Variants in LPIN1 observed in about 807,000 individuals in gnomAD.
LPIN1 encodes the protein lipin 1, also known as phosphatidate phosphatase LPIN1.
In LPIN1, 71 loss-of-function variants were observed where a neutral mutation model predicts 107.5. The observed-to-expected ratio is 0.66, with a 90% CI of 0.55 to 0.80. LPIN1 has a LOEUF of 0.80. Ranked by LOEUF, LPIN1 falls within the 30% of genes least tolerant of loss-of-function variation. The pLI, the probability that LPIN1 is intolerant of heterozygous loss-of-function variation, is 0.00. For missense variants in LPIN1, 1,043 were observed against 1,160.6 expected, an observed-to-expected ratio of 0.90 and a Z score of 1.47; for synonymous variants, 445 against 452.6, an observed-to-expected ratio of 0.98 and a Z score of 0.21.
rs141242630 is a variant in LPIN1 at position 11,740,722 on chromosome 2, A to AAAAGAAAGAAAG, written c.-71-611_-71-600dup. On this transcript the variant is annotated intron_variant, in intron 1 of 21. Coordinates refer to the LPIN1 transcript ENST00000396097. ...AAAAAAAGGAAGAAAGAAAGAAAAGAAAAGAAAGAAAGAAAGAAAGAAAGA... is the reference window on the plus strand; with the variant it reads ...AAAAAAAGGAAGAAAGAAAGAAAAGAAAAGAAAGAAAGAAAGAAAGAAAGAAAGAAAGAAAGA... Among the ~76,000 whole-genome samples, 284 of 148,504 alleles carry AAAAGAAAGAAAG rather than the reference A, an allele frequency of 1.9e-3. 1 individual carries two copies. The highest frequency in any genetic ancestry group is 6.9e-3 in the African/African-American group (273 of 39,396).
chr2:11,713,509 G>T (rs1245996481), intron 1 of LPIN1, among the ~76,000 whole-genome samples: 1 of 152,200 alleles, frequency 6.6e-6, no homozygotes, highest in African/African-American at 2.4e-5. Flanking sequence ...GACCTCAGGT[G>T]ATCTGCCTGC....
At chr2:11,677,646 C>T in exon 1 of LPIN1, 4 of 1,534,768 alleles carry the variant, frequency 2.6e-6, no homozygotes, top group South Asian at 1.2e-5. Flanking sequence ...ACAGGGCGGG[C>T]CATGGGGGAA....
intron 1 of LPIN1, among the ~76,000 whole-genome samples, chr2:11,706,828 A>G (rs913217970): frequency 1.3e-5 from 2 of 152,292 alleles, no homozygotes; most frequent in South Asian, 4.1e-4. Context: ...TAACTAAAAG[A>G]TGTTTCTAGG....
intron 1 of LPIN1, among the ~76,000 whole-genome samples, chr2:11,726,394 TAA>T (rs1469848647): frequency 1.3e-5 from 2 of 152,294 alleles, no homozygotes; most frequent in East Asian, 3.9e-4. Context: ...AAGTGAATCC[TAA>T]ACACGTTTTG....
chr2:11,713,917 C>T, intron 2 of LPIN1: 1 of 772,094 alleles, frequency 1.3e-6, no homozygotes. Context: ...TATCTGCAGT[C>T]TCCAAGGCAG....
intron 7 of LPIN1, among the ~76,000 whole-genome samples, chr2:11,780,155 A>G (rs1572774200): frequency 6.6e-6 from 1 of 152,246 alleles, no homozygotes; most frequent in East Asian, 1.9e-4. Flanking sequence ...TGCTGGGATT[A>G]TAAGCGTGAG....
intron 5 of LPIN1, among the ~76,000 whole-genome samples, 183 bp from the exon 6 acceptor site, chr2:11,775,903 G>A (rs1328898527): frequency 6.9e-6 from 1 of 145,758 alleles, no homozygotes; most frequent in African/African-American, 2.5e-5. Flanking sequence ...TTTATATAAA[G>A]TATATTATAT....
chr2:11,678,878 C>A (rs1162138883), intron 1 of LPIN1, among the ~76,000 whole-genome samples: 1 of 152,224 alleles, frequency 6.6e-6, no homozygotes, highest in African/African-American at 2.4e-5. Flanking sequence ...ATGATGGGGA[C>A]AGGAGCAGGA....
intron 9 of LPIN1, 110 bp downstream of exon 9, chr2:11,784,032 C>T (rs549733052): frequency 1.5e-4 from 237 of 1,568,476 alleles, no homozygotes; most frequent in Admixed American, 3.7e-4. Context: ...CAGCTGGGCG[C>T]GGTGGCTCAC....
intron 1 of LPIN1, among the ~76,000 whole-genome samples, chr2:11,757,713 C>A (rs1011366276): frequency 1.3e-5 from 2 of 152,030 alleles, no homozygotes; most frequent in Non-Finnish European, 2.9e-5. Context: ...CCACCCCAAG[C>A]TCTCTTTCAA....
chr2:11,795,376 C>T (rs745772707), intron 13 of LPIN1, 32 bp from the exon 14 acceptor site: 21 of 1,587,546 alleles, frequency 1.3e-5, no homozygotes, highest in Non-Finnish European at 1.7e-5. Flanking sequence ...CTCTGTGGTA[C>T]TTCTGTGACT....
rs1238248286 is a variant in LPIN1, at chr2:11,797,690, G to A, written c.1886+2203G>A. On this transcript the variant is annotated intron_variant, in intron 14 of 20. Coordinates refer to ENST00000674199, the MANE Select transcript of LPIN1 (RefSeq NM_001349206.2). ...TTTACCCAATGCCTGTACCCCAATT[G>A]TATCTAGGAAGCAACTCACTTGCTT... Among the ~76,000 whole-genome samples, 3 of 152,208 alleles carry A rather than the reference G, an allele frequency of 2.0e-5. No individual in the cohort carries two copies. The East Asian group carries it at 5.8e-4, about 29-fold the overall frequency.
At chr2:11,724,692 C>T in intron 1 of LPIN1, 9 of 965,394 alleles carry the variant, frequency 9.3e-6, no homozygotes, top group Non-Finnish European at 1.1e-5. Flanking sequence ...CCAGAGCTTC[C>T]CGGTGACACA....
chr2:11,772,650 C>A (rs1672042141), intron 4 of LPIN1, among the ~76,000 whole-genome samples: 1 of 151,958 alleles, frequency 6.6e-6, no homozygotes, highest in Non-Finnish European at 1.5e-5. Context: ...ATTTTGTTTC[C>A]TTTTTCTTTG....
chr2:11,715,434 C>T (rs983098968), intron 2 of LPIN1, among the ~76,000 whole-genome samples: 2 of 152,320 alleles, frequency 1.3e-5, no homozygotes, highest in East Asian at 1.9e-4. Flanking sequence ...AGAAAGCGTC[C>T]GCCATCCATG....
At chr2:11,776,591 G>T (rs1275753746) in intron 6 of LPIN1, among the ~76,000 whole-genome samples, 2 of 152,088 alleles carry the variant, frequency 1.3e-5, no homozygotes, top group African/African-American at 4.8e-5. Flanking sequence ...TGACAAATAA[G>T]TTTACAAGAT....
At chr2:11,792,386 C>G (rs974056387) in intron 13 of LPIN1, 3 of 242,166 alleles carry the variant, frequency 1.2e-5, no homozygotes, top group Non-Finnish European at 8.2e-6. Context: ...CCCTCCCCTC[C>G]CCTCCTTTCT....
intron 5 of LPIN1, 96 bp from the exon 6 acceptor site, chr2:11,775,990 A>G (rs1297620551): frequency 1.1e-5 from 4 of 352,322 alleles, no homozygotes; most frequent in African/African-American, 2.2e-5. Flanking sequence ...TAATCTTTAT[A>G]TAAAGTATAT....
intron 1 of LPIN1, among the ~76,000 whole-genome samples, chr2:11,730,394 C>T (rs1000932102): frequency 1.3e-5 from 2 of 152,186 alleles, no homozygotes; most frequent in African/African-American, 4.8e-5. Flanking sequence ...CTGCACACCT[C>T]ATCTCATCTG....
Sources: allele counts gnomAD v4.1 joint callset (sites outside exome capture counted in the v4.1 genomes callset), GRCh38; gene constraint gnomAD v4.1.1; transcripts MANE v1.5; gene names NCBI Gene and HGNC (gene_info 2026-07-23, HGNC 2026-07-21).